The following DOT1L variants were observed in gnomAD, a reference collection of about 807,000 sequenced individuals.
The protein encoded by DOT1L is DOT1 like histone lysine methyltransferase.
In DOT1L, 33 loss-of-function variants were observed where a neutral mutation model predicts 153.3. The observed-to-expected ratio is 0.22, with a 90% CI of 0.16 to 0.29. The LOEUF (loss-of-function observed/expected upper bound fraction) is 0.29. Among genes scored for constraint, DOT1L ranks in the 10% least tolerant of loss-of-function variants. The probability of loss-of-function intolerance (pLI) is 1.00; values close to 1 mark genes in which losing one functional copy is unlikely to be tolerated. For missense variants in DOT1L, 1,847 were observed against 2,119.9 expected, an observed-to-expected ratio of 0.87 and a Z score of 2.53; for synonymous variants, 1,135 against 965.1, an observed-to-expected ratio of 1.18 and a Z score of -3.26.
chr19:2,174,994 G>GTGTGTGTGTA (rs764261033), intron 1 of DOT1L, among the ~76,000 whole-genome samples: 1 of 80,510 alleles, frequency 1.2e-5, no homozygotes, highest in South Asian at 4.1e-4. Context: ...GTGTGTGTGT[G>GTGTGTGTGTA]TATATATATA....
At chr19:2,225,266 T>G in intron 25 of DOT1L, 122 bp from the exon 26 acceptor site, 1 of 962,098 alleles carries the variant, frequency 1.0e-6, no homozygotes, top group Non-Finnish European at 1.6e-6. Context: ...GGGTCCCCTG[T>G]CTGGGCCGAG....
In DOT1L at chr19:2,191,215, C is replaced by T. The variant is rs371155512; in HGVS notation, c.468C>T (p.Asp156=). The part of the protein sequence containing the change: ...QMIDEIKMTD[D]DLFVDLGSGV... ...TTGATGAGATCAAGATGACCGACGA[C>T]GACCTGTTTGTGGACTTGGGGAGCG... The change falls in exon 5 of 28, where the codon GAC becomes GAT. Residue 156 remains aspartate, a synonymous_variant. Transcript: ENST00000398665. The surrounding 1 kb of genome is among the most constrained non-coding windows in gnomAD (Gnocchi z 6.8). 3.5e-5 allele frequency: 57 copies of T among 1,613,794 alleles called. No homozygotes were observed. The highest frequency in any genetic ancestry group is 1.9e-4 in the South Asian group (17 of 91,088).
At chr19:2,225,613 T>C (rs1360688276) in intron 26 of DOT1L, among the ~76,000 whole-genome samples, 161 bp downstream of exon 26, 1 of 151,986 alleles carries the variant, frequency 6.6e-6, no homozygotes, top group African/African-American at 2.4e-5. Context: ...CGTCGTGTCC[T>C]GCGTGGGCGC....
chr19:2,209,188 C>G (rs1052733576), intron 12 of DOT1L, among the ~76,000 whole-genome samples: 9 of 152,122 alleles, frequency 5.9e-5, no homozygotes, highest in African/African-American at 1.2e-4. Context: ...CTGTCCTCCC[C>G]CTCTTCCTCT....
intron 7 of DOT1L, among the ~76,000 whole-genome samples, chr19:2,196,135 C>T (rs2023010296): frequency 6.6e-6 from 1 of 152,248 alleles, no homozygotes; most frequent in Non-Finnish European, 1.5e-5. Flanking sequence ...GCACGCGCCC[C>T]TGTCCCCAGC....
In DOT1L at chr19:2,218,024, G is replaced by A; in HGVS notation, c.2691+106G>A. The A allele has an allele frequency of 2.7e-6, 4 of 1,464,028 alleles. 1 individual carries two copies. The highest frequency in any genetic ancestry group is 2.6e-5 in the South Asian group (2 of 75,558). The allele number at this position is 1,464,028 out of a possible 1,614,324, so 90.7% of individuals were successfully genotyped here. Reference sequence around the variant, plus strand: ...GCGAAGTCTCACGCTGTAAAATGTCGAGCGTGAGGCAATGCAGTCAAGGTG... The same window carrying A: ...GCGAAGTCTCACGCTGTAAAATGTCAAGCGTGAGGCAATGCAGTCAAGGTG... On this transcript the variant is annotated intron_variant, in intron 22 of 27. Transcript: ENST00000398665.
intron 22 of DOT1L, among the ~76,000 whole-genome samples, chr19:2,219,645 G>A (rs1281550122): frequency 6.6e-6 from 1 of 152,208 alleles, no homozygotes; most frequent in Non-Finnish European, 1.5e-5. Flanking sequence ...TGGGTTCTGC[G>A]GTCACTCTAC....
intron 1 of DOT1L, among the ~76,000 whole-genome samples, chr19:2,172,627 C>T (rs762280811): frequency 2.0e-5 from 3 of 151,772 alleles, no homozygotes; most frequent in African/African-American, 4.8e-5. Context: ...GCCTCAGCCT[C>T]CCGAGTAGCT....
chr19:2,188,690 T>G (rs2022657828), intron 3 of DOT1L, among the ~76,000 whole-genome samples: 1 of 152,194 alleles, frequency 6.6e-6, no homozygotes, highest in Admixed American at 6.5e-5. Flanking sequence ...CGCCTCCTCC[T>G]CCTGTCTCTT....
intron 27 of DOT1L, chr19:2,228,144 T>C (rs757845833): frequency 1.5e-6 from 2 of 1,364,932 alleles, no homozygotes; most frequent in Non-Finnish European, 2.0e-6. Context: ...TAACGCCTCT[T>C]TGTCTATCAA....
chr19:2,173,492 C>T (rs1012789975), intron 1 of DOT1L, among the ~76,000 whole-genome samples: 1 of 152,208 alleles, frequency 6.6e-6, no homozygotes, highest in Non-Finnish European at 1.5e-5. Context: ...AGCAGGGCGT[C>T]CTCGGGGAGC....
At chr19:2,227,573 A>AGGGCGGGCCACCACGAGCCT in intron 27 of DOT1L, 1 of 773,232 alleles carries the variant, frequency 1.3e-6, no homozygotes, top group Admixed American at 3.7e-5. Flanking sequence ...CGGAGGGCGG[A>AGGGCGGGCCACCACGAGCCT]GGGCGGGCCA....
At chr19:2,201,739 C>T (rs1266571878) in intron 8 of DOT1L, among the ~76,000 whole-genome samples, 2 of 152,250 alleles carry the variant, frequency 1.3e-5, no homozygotes, top group Non-Finnish European at 1.5e-5. Flanking sequence ...CGAGAGATTT[C>T]TGGCGTCCCG....
intron 2 of DOT1L, among the ~76,000 whole-genome samples, chr19:2,185,164 A>G (rs1056435293): frequency 5.9e-5 from 9 of 152,142 alleles, no homozygotes; most frequent in African/African-American, 2.2e-4. Context: ...TCGGCCTCCC[A>G]GAGTGCTGGG....
At chr19:2,205,673 C>G (rs554874004) in intron 9 of DOT1L, among the ~76,000 whole-genome samples, 1 of 152,046 alleles carries the variant, frequency 6.6e-6, no homozygotes, top group Non-Finnish European at 1.5e-5. Context: ...TTTGCTCTTC[C>G]TGCCTCTCAA....
chr19:2,227,294 G>GGA, intron 27 of DOT1L, 167 bp downstream of exon 27: 1 of 893,496 alleles, frequency 1.1e-6, no homozygotes, highest in Non-Finnish European at 1.9e-6. Flanking sequence ...AGTCCTGTGG[G>GGA]GAGAGGGCTC....
At chr19:2,200,972 T>G in intron 8 of DOT1L, among the ~76,000 whole-genome samples, 1 of 137,714 alleles carries the variant, frequency 7.3e-6, no homozygotes, top group Non-Finnish European at 1.6e-5. Context: ...TTCCTCGTCC[T>G]CCCCTCATTC....
intron 22 of DOT1L, among the ~76,000 whole-genome samples, chr19:2,218,454 T>C (rs575374347): frequency 2.2e-4 from 34 of 152,106 alleles, no homozygotes; most frequent in South Asian, 1.0e-3. Context: ...AGTGCAGTGG[T>C]GCGATCTCGG....
At position 2,217,402 on chromosome 19, in the gene DOT1L, TC is replaced by T. The variant is rs2023948353; in HGVS notation, c.2544+316del. Among the ~76,000 whole-genome samples the T allele has an allele frequency of 1.3e-5, 2 of 152,172 alleles. No homozygotes were observed. The highest frequency in any genetic ancestry group is 3.9e-4 in the East Asian group (2 of 5,172). ...TGGGAGGCCGCTGCCCATGAGGACT[TC>T]CCCGGGGGCACTGGCCTGTGTGCAC... On this transcript the variant is annotated intron_variant, in intron 21 of 27. Coordinates refer to ENST00000398665, the MANE Select transcript of DOT1L (RefSeq NM_032482.3). This position sits in a 1 kb window ranked among gnomAD's most constrained non-coding sequence, Gnocchi z 7.3.
Sources: allele counts gnomAD v4.1 joint callset (sites outside exome capture counted in the v4.1 genomes callset), GRCh38; gene constraint gnomAD v4.1.1; non-coding constraint Gnocchi (gnomAD v3.1); transcripts MANE v1.5; gene names NCBI Gene and HGNC (gene_info 2026-07-23, HGNC 2026-07-21).